LRRC4C: variants seen among roughly 807,000 people sequenced by gnomAD.
LRRC4C encodes the protein leucine rich repeat containing 4C.
LRRC4C carries 5 observed loss-of-function variants against 33.6 expected under a neutral mutation model. That is an observed-to-expected ratio of 0.15 (90% CI 0.08 to 0.31). LRRC4C has a LOEUF of 0.31. Ranked by LOEUF, LRRC4C falls within the 10% of genes least tolerant of loss-of-function variation. The pLI is 1.00. For missense variants in LRRC4C, 560 were observed against 796.7 expected (o/e 0.70, Z 3.58); for synonymous variants, 329 against 302.0 (o/e 1.09, Z -0.93).
intron 5 of LRRC4C, among the ~76,000 whole-genome samples, chr11:40,238,092 C>T (rs1865687646): frequency 6.6e-6 from 1 of 152,128 alleles, no homozygotes; most frequent in Admixed American, 6.5e-5. Flanking sequence ...TGTACGGCAG[C>T]ACAGGTTTCA....
intron 6 of LRRC4C, among the ~76,000 whole-genome samples, chr11:40,123,908 A>T (rs1346095445): frequency 6.6e-6 from 1 of 152,184 alleles, no homozygotes; most frequent in South Asian, 2.1e-4. Context: ...CCAATGGAAC[A>T]TAATAGAGAA....
Position 40,260,928 on chromosome 11 carries a change from T to C in LRRC4C, c.-175-19330A>G, listed in dbSNP as rs572131898. The stretch of plus-strand genomic sequence containing the variant: ...CAGGGTCTTGCTCTGTCACCCAGGC[T>C]GGAGTGCAGCGTTGCAATCATAGCT... On this transcript the variant is annotated intron_variant, in intron 4 of 6. Coordinates refer to ENST00000528697, the MANE Select transcript of LRRC4C (RefSeq NM_001258419.2). 7.9e-5 allele frequency among the ~76,000 whole-genome samples: 12 copies of C among 152,304 alleles called. No homozygotes were observed. The South Asian group carries it at 2.5e-3, about 32-fold the overall frequency.
chr11:40,326,575 G>A (rs1313414547), intron 3 of LRRC4C, among the ~76,000 whole-genome samples: 1 of 150,536 alleles, frequency 6.6e-6, no homozygotes, highest in African/African-American at 2.4e-5. Flanking sequence ...AAAAGAAGAA[G>A]TCTACATGCC....
chr11:41,272,910 A>G (rs933835057), intron 1 of LRRC4C, among the ~76,000 whole-genome samples: 2 of 151,738 alleles, frequency 1.3e-5, no homozygotes, highest in African/African-American at 4.9e-5. Context: ...TGAAGCAATT[A>G]AGAGTCACAG....
At chr11:40,148,280 G>A (rs768415100) in intron 5 of LRRC4C, among the ~76,000 whole-genome samples, 4 of 152,118 alleles carry the variant, frequency 2.6e-5, no homozygotes, top group Non-Finnish European at 5.9e-5. Context: ...CAATGGTTGA[G>A]CTAATGTACA....
chr11:40,800,477 C>T (rs1048692984), intron 2 of LRRC4C, among the ~76,000 whole-genome samples: 2 of 152,152 alleles, frequency 1.3e-5, no homozygotes, highest in African/African-American at 2.4e-5. Context: ...CGCCCTTTTC[C>T]GAAGTTACCT....
intron 1 of LRRC4C, among the ~76,000 whole-genome samples, chr11:41,190,793 GA>G (rs1353534136): frequency 6.6e-6 from 1 of 152,176 alleles, no homozygotes; most frequent in African/African-American, 2.4e-5. Context: ...GTTGGGTAAT[GA>G]TGATGAAAGC....
intron 2 of LRRC4C, among the ~76,000 whole-genome samples, chr11:40,762,438 A>C (rs924433248): frequency 6.6e-6 from 1 of 152,114 alleles, no homozygotes; most frequent in Non-Finnish European, 1.5e-5. Flanking sequence ...TACATAATCC[A>C]TTGTGTTATA....
At chr11:40,955,907 A>G (rs978044547) in intron 1 of LRRC4C, among the ~76,000 whole-genome samples, 1 of 151,876 alleles carries the variant, frequency 6.6e-6, no homozygotes, top group Non-Finnish European at 1.5e-5. Context: ...TGCTTTGTTC[A>G]GTGAATCAAG....
chr11:41,376,465 C>A (rs1235658208), intron 1 of LRRC4C, among the ~76,000 whole-genome samples: 1 of 152,152 alleles, frequency 6.6e-6, no homozygotes, highest in African/African-American at 2.4e-5. Flanking sequence ...CTAGCAACAC[C>A]TGGCCCCAGG....
intron 3 of LRRC4C, among the ~76,000 whole-genome samples, chr11:40,503,801 C>G (rs942323028): frequency 5.3e-5 from 8 of 152,184 alleles, no homozygotes; most frequent in Admixed American, 2.0e-4. Flanking sequence ...TGGTTTTAAT[C>G]TGAAGCTAAT....
rs546129868 is a variant in LRRC4C at position 41,184,270 on chromosome 11, G to A, written c.-495-250547C>T. On this transcript the variant is annotated intron_variant, in intron 1 of 6. Transcript: ENST00000528697. ...CAGAAAATGCGTTTTTTTTTTTCCT[G>A]TCATATTGTCAGGGTGCAAATTTTT... Among the ~76,000 whole-genome samples, 41 of 149,228 alleles carry A rather than the reference G, an allele frequency of 2.7e-4. No individual in the cohort carries two copies. In the South Asian group the frequency reaches 8.4e-3, roughly 31 times the overall value.
chr11:40,233,947 T>C (rs1380077692), intron 5 of LRRC4C, among the ~76,000 whole-genome samples: 1 of 152,160 alleles, frequency 6.6e-6, no homozygotes, highest in African/African-American at 2.4e-5. Context: ...ACATTTATAC[T>C]CTTATTTAAG....
intron 2 of LRRC4C, among the ~76,000 whole-genome samples, chr11:40,914,442 AAAACCAC>A (rs772671080): frequency 1.1e-3 from 161 of 152,210 alleles, no homozygotes; most frequent in Non-Finnish European, 2.2e-3. Flanking sequence ...ACCAATGACA[AAAACCAC>A]ATGATTATCT....
chr11:40,719,674 C>T (rs1232360472), intron 2 of LRRC4C, among the ~76,000 whole-genome samples: 1 of 152,140 alleles, frequency 6.6e-6, no homozygotes, highest in Non-Finnish European at 1.5e-5. Flanking sequence ...TTTAATATTG[C>T]TCCCCATCCT....
intron 1 of LRRC4C, among the ~76,000 whole-genome samples, chr11:41,410,410 T>A (rs12803815): frequency 3.2e-4 from 49 of 151,378 alleles, no homozygotes; most frequent in Non-Finnish European, 5.9e-4. Context: ...AAGTTTTTTT[T>A]TTTTTCTTTT....
At chr11:41,042,456 A>G (rs1194895658) in intron 1 of LRRC4C, among the ~76,000 whole-genome samples, 2 of 152,208 alleles carry the variant, frequency 1.3e-5, no homozygotes, top group African/African-American at 2.4e-5. Context: ...AAGTCAGAAC[A>G]AAAATGAGCC....
chr11:40,620,538 T>C (rs1962352639), intron 3 of LRRC4C, among the ~76,000 whole-genome samples: 1 of 151,738 alleles, frequency 6.6e-6, no homozygotes, highest in African/African-American at 2.4e-5. Context: ...GTATTAAAAA[T>C]AAACCTTCCA....
intron 5 of LRRC4C, among the ~76,000 whole-genome samples, chr11:40,158,531 C>T (rs1289454332): frequency 2.1e-5 from 3 of 140,738 alleles, no homozygotes; most frequent in Non-Finnish European, 3.1e-5. Context: ...ATTCTAAAAC[C>T]AAAAGTTTAT....
Sources: gnomAD v4.1 joint callset for allele counts (sites outside exome capture counted in the v4.1 genomes callset) on GRCh38, gnomAD v4.1.1 for gene constraint, MANE v1.5 for transcripts, NCBI Gene and HGNC (gene_info 2026-07-23, HGNC 2026-07-21) for gene names.